XKR4: variants seen among roughly 807,000 people sequenced by gnomAD.
XKR4 encodes the protein XK-related protein 4.
In XKR4, 12 loss-of-function variants were observed where a neutral mutation model predicts 53.9. That is an observed-to-expected ratio of 0.22 (90% CI 0.14 to 0.36). The LOEUF is 0.36. Ranked by LOEUF, XKR4 falls within the 10% of genes least tolerant of loss-of-function variation. The pLI, the probability that XKR4 is intolerant of heterozygous loss-of-function variation, is 1.00. For synonymous variants in XKR4, 354 were observed against 362.4 expected (o/e 0.98, Z 0.26); for missense variants, 799 against 859.5 (o/e 0.93, Z 0.88).
intron 2 of XKR4, among the ~76,000 whole-genome samples, chr8:55,408,458 C>T (rs1415834002): frequency 1.3e-5 from 2 of 152,152 alleles, no homozygotes; most frequent in African/African-American, 2.4e-5. Context: ...CAAGATGTGG[C>T]CCAGGGAACC....
intron 1 of XKR4, among the ~76,000 whole-genome samples, chr8:55,349,807 T>C (rs1408677084): frequency 6.6e-6 from 1 of 152,182 alleles, no homozygotes; most frequent in East Asian, 1.9e-4. Flanking sequence ...CACTACCAAT[T>C]AGTACAGTCT....
chr8:55,481,010 G>T (rs995681558), intron 2 of XKR4, among the ~76,000 whole-genome samples: 7 of 152,108 alleles, frequency 4.6e-5, no homozygotes, highest in Admixed American at 3.3e-4. Flanking sequence ...TCCCCATCAA[G>T]CTACCAATGA....
At chr8:55,380,182 A>G (rs909480538) in intron 2 of XKR4, among the ~76,000 whole-genome samples, 2 of 151,966 alleles carry the variant, frequency 1.3e-5, no homozygotes, top group Admixed American at 1.3e-4. Flanking sequence ...TCTCTCAAAT[A>G]TGTGCTAGCA....
chr8:55,173,685 A>G lies in XKR4; in HGVS notation c.806+70391A>G, dbSNP rs190762914. 5.7e-4 allele frequency among the ~76,000 whole-genome samples: 87 copies of G among 152,330 alleles called. 2 individuals are homozygous for G. In the South Asian group the frequency reaches 9.5e-3, roughly 17 times the overall value. On this transcript the variant is annotated intron_variant, in intron 1 of 2. Coordinates refer to ENST00000327381, the MANE Select transcript of XKR4 (RefSeq NM_052898.2). ...TCACATAGGTCAATTACAAGGCTAG[A>G]CACAATAGCCTTTCCCAAGTATACT...
At chr8:55,413,162 A>C (rs1168549002) in intron 2 of XKR4, among the ~76,000 whole-genome samples, 1 of 152,236 alleles carries the variant, frequency 6.6e-6, no homozygotes, top group Non-Finnish European at 1.5e-5. Flanking sequence ...TTTTGTGAGA[A>C]GAAATGAAGA....
At chr8:55,300,274 T>C (rs1350642988) in intron 1 of XKR4, among the ~76,000 whole-genome samples, 1 of 152,106 alleles carries the variant, frequency 6.6e-6, no homozygotes, top group African/African-American at 2.4e-5. Flanking sequence ...AAGATGAGTG[T>C]TGGGACCTGG....
chr8:55,392,237 C>T (rs1175561619), intron 2 of XKR4, among the ~76,000 whole-genome samples: 3 of 152,154 alleles, frequency 2.0e-5, no homozygotes, highest in Non-Finnish European at 4.4e-5. Context: ...AGGCATCACT[C>T]ACTACTGAGA....
At chr8:55,263,373 A>C (rs1818555320) in intron 1 of XKR4, among the ~76,000 whole-genome samples, 1 of 152,132 alleles carries the variant, frequency 6.6e-6, no homozygotes, top group Admixed American at 6.6e-5. Flanking sequence ...TGAGGTCCTA[A>C]GTGCACCCCA....
At chr8:55,451,248 C>T (rs575754951) in intron 2 of XKR4, 4 of 574,274 alleles carry the variant, frequency 7.0e-6, no homozygotes, top group Non-Finnish European at 1.2e-5. Flanking sequence ...CCCACTGCTG[C>T]GCCCACAGGT....
chr8:55,185,565 T>C (rs541620964), intron 1 of XKR4, among the ~76,000 whole-genome samples: 1 of 152,334 alleles, frequency 6.6e-6, no homozygotes, highest in South Asian at 2.1e-4. Context: ...AGACTAATAG[T>C]AATGAAACAA....
chr8:55,454,813 G>A, intron 2 of XKR4: 1 of 767,014 alleles, frequency 1.3e-6, no homozygotes, highest in South Asian at 1.4e-5. Context: ...GGCTCTGTGG[G>A]CGACAGGTGC....
chr8:55,410,610 G>A (rs1804762113), intron 2 of XKR4, among the ~76,000 whole-genome samples: 1 of 152,014 alleles, frequency 6.6e-6, no homozygotes, highest in African/African-American at 2.4e-5. Context: ...ACCAGGCCTT[G>A]AAGCACCGTG....
intron 2 of XKR4, chr8:55,454,323 TG>T: frequency 1.3e-6 from 2 of 1,494,986 alleles, no homozygotes; most frequent in Non-Finnish European, 1.9e-6. Context: ...ATGAAGGGCG[TG>T]GGTGTGCTGA....
intron 2 of XKR4, among the ~76,000 whole-genome samples, chr8:55,398,146 C>T (rs1376590348): frequency 6.6e-6 from 1 of 152,186 alleles, no homozygotes; most frequent in South Asian, 2.1e-4. Flanking sequence ...AGGGATAAAA[C>T]TTTCCTCTCC....
chr8:55,289,585 A>AAGAAAG (rs199776481), intron 1 of XKR4, among the ~76,000 whole-genome samples: 10 of 88,330 alleles, frequency 1.1e-4, no homozygotes, highest in South Asian at 5.1e-4. Flanking sequence ...GAAAGGAAGA[A>AAGAAAG]AGAAAGAGAA....
At chr8:55,500,932 G>T (rs1806427376) in intron 2 of XKR4, among the ~76,000 whole-genome samples, 1 of 152,126 alleles carries the variant, frequency 6.6e-6, no homozygotes, top group Non-Finnish European at 1.5e-5. Context: ...ACTAAGAATG[G>T]CTCTTCACCC....
chr8:55,267,848 A>T (rs906863728), intron 1 of XKR4, among the ~76,000 whole-genome samples: 1 of 152,222 alleles, frequency 6.6e-6, no homozygotes, highest in Non-Finnish European at 1.5e-5. Flanking sequence ...TTTCTTAGAC[A>T]GTAGAAGTGC....
chr8:55,284,387 C>T (rs1428487708), intron 1 of XKR4, among the ~76,000 whole-genome samples: 1 of 152,168 alleles, frequency 6.6e-6, no homozygotes, highest in Non-Finnish European at 1.5e-5. Flanking sequence ...GGCTCAGAAT[C>T]TCCCATGAGA....
chr8:55,141,671 C>CTCTCTCTCTCTCTCTGTG lies in XKR4; in HGVS notation c.806+38378_806+38379insCTCTCTCTCTCTCTGTGT, dbSNP rs748708972. On this transcript the variant is annotated intron_variant, in intron 1 of 2. Coordinates refer to ENST00000327381, the MANE Select transcript of XKR4 (RefSeq NM_052898.2). ...TCTCTCTCTCTCTCTCTCTCTCTCT[C>CTCTCTCTCTCTCTCTGTG]TGTGTGTGTGTGTGTGTGTCTCTCT... Among the ~76,000 whole-genome samples, 13 of 135,298 alleles carry CTCTCTCTCTCTCTCTGTG rather than the reference C, an allele frequency of 9.6e-5. No individual in the cohort carries two copies. The East Asian group carries it at 1.3e-3, about 14-fold the overall frequency. The allele number at this position is 135,298 out of a possible 152,430, so 88.8% of individuals were successfully genotyped here. A position where few individuals can be genotyped will look rare whatever the true frequency, so the allele number is the denominator to read the frequency against.
Sources: allele counts gnomAD v4.1 joint callset (sites outside exome capture counted in the v4.1 genomes callset), GRCh38; gene constraint gnomAD v4.1.1; transcripts MANE v1.5; gene names NCBI Gene and HGNC (gene_info 2026-07-23, HGNC 2026-07-21).